Variants in LMNTD1 observed in about 807,000 individuals in gnomAD.
LMNTD1 encodes the protein lamin tail domain containing 1.
In LMNTD1, 35 loss-of-function variants were observed where a neutral mutation model predicts 50.9. The ratio of observed to expected loss-of-function variants is 0.69; its 90% CI spans 0.53 to 0.91. The LOEUF is 0.91. Among genes scored for constraint, LMNTD1 ranks in the 40% least tolerant of loss-of-function variants. The pLI is 0.00. For missense variants in LMNTD1, 470 were observed against 475.5 expected (o/e 0.99, Z 0.11); for synonymous variants, 153 against 161.9 (o/e 0.94, Z 0.42).
chr12:25,546,619 C>A, intron 3 of LMNTD1, 65 bp from the exon 4 acceptor site: 2 of 992,896 alleles, frequency 2.0e-6, no homozygotes, highest in Non-Finnish European at 2.8e-6. Context: ...TTAAAAGGAC[C>A]TAAAGCCATT....
chr12:25,489,598 C>T (rs1420757124), intron 9 of LMNTD1, among the ~76,000 whole-genome samples: 1 of 150,724 alleles, frequency 6.6e-6, no homozygotes, highest in African/African-American at 2.5e-5. Context: ...CTGCGTCGCT[C>T]ACGCTGGGAG....
chr12:25,537,752 G>C (rs1035044705), intron 4 of LMNTD1, among the ~76,000 whole-genome samples: 6 of 152,212 alleles, frequency 3.9e-5, no homozygotes, highest in Non-Finnish European at 8.8e-5. Flanking sequence ...AGAGAAGAAG[G>C]CTTCAGATGA....
chr12:25,553,402 G>A, upstream of LMNTD1: 1 of 408,942 alleles, frequency 2.4e-6, no homozygotes. Flanking sequence ...GCAGTTTGCA[G>A]ACATTAAATA....
chr12:25,499,143 C>A (rs143755486), intron 9 of LMNTD1, among the ~76,000 whole-genome samples: 4 of 152,310 alleles, frequency 2.6e-5, no homozygotes, highest in African/African-American at 9.6e-5. Context: ...ATGATCCTAG[C>A]TCACTGCAGA....
At chr12:25,529,100 T>C (rs1942032130) in intron 4 of LMNTD1, among the ~76,000 whole-genome samples, 1 of 152,172 alleles carries the variant, frequency 6.6e-6, no homozygotes, top group African/African-American at 2.4e-5. Flanking sequence ...TCCTCAGTAT[T>C]GGCCTCTTTT....
intron 1 of LMNTD1, among the ~76,000 whole-genome samples, chr12:25,575,859 C>T (rs1270756256): frequency 6.6e-6 from 1 of 152,104 alleles, no homozygotes; most frequent in South Asian, 2.1e-4. Flanking sequence ...CCATGACAGG[C>T]CCCAGTGTGT....
At chr12:25,589,936 C>A (rs374831912) in intron 1 of LMNTD1, among the ~76,000 whole-genome samples, 1 of 152,028 alleles carries the variant, frequency 6.6e-6, no homozygotes, top group East Asian at 1.9e-4. Flanking sequence ...TTACTAGGTA[C>A]AGGGAGTTGG....
chr12:25,539,987 A>C (rs1171146132), intron 4 of LMNTD1, among the ~76,000 whole-genome samples: 278 of 149,018 alleles, frequency 1.9e-3, no homozygotes, highest in African/African-American at 6.7e-3. Context: ...GAAATGGATA[A>C]ATTCCTTGAC....
At chr12:25,573,612 C>T (rs1944885662) in intron 1 of LMNTD1, among the ~76,000 whole-genome samples, 1 of 152,022 alleles carries the variant, frequency 6.6e-6, no homozygotes, top group Admixed American at 6.6e-5. Flanking sequence ...TGCCCAGGTC[C>T]GTGATGCCTA....
rs76122503 is a variant in LMNTD1, at chr12:25,526,810, A to G, written c.637T>C (p.Phe213Leu). The change falls in exon 5 of 10, where the codon TTC (phenylalanine) becomes CTC (leucine). Residue 213 changes from phenylalanine (F) to leucine (L), a missense_variant. Transcript: ENST00000458174. Reference protein sequence around the residue: ...VNGQTISLYRFLPNIVMQANS... With the variant: ...VNGQTISLYRLLPNIVMQANS... ...GCCTGCATTACGATGTTTGGAAGGA[A>G]TCGGTACAAAGAAATGGTTTGTCCA... 367 of 1,612,384 alleles carry G rather than the reference A, an allele frequency of 2.3e-4. 1 individual carries two copies. In the African/African-American group the frequency reaches 4.3e-3, roughly 19 times the overall value.
In LMNTD1 at chr12:25,526,792, T is replaced by C. The variant is rs1235429185; in HGVS notation, c.655A>G (p.Met219Val). The C allele has an allele frequency of 1.2e-6, 2 of 1,610,442 alleles. No individual in the cohort carries two copies. The highest frequency in any genetic ancestry group is 2.2e-5 in the East Asian group (1 of 44,838). Reference protein sequence around the residue: ...SLYRFLPNIVMQANSTVTVWA... With the variant: ...SLYRFLPNIVVQANSTVTVWA... ...ACTGTTACTGTGGAATTTGCCTGCA[T>C]TACGATGTTTGGAAGGAATCGGTAC... is the stretch of plus-strand genomic sequence containing the variant. Residue 219 changes from methionine to valine, a missense_variant, in exon 5 of 10, where the codon ATG becomes GTG. Coordinates refer to ENST00000458174, the MANE Select transcript of LMNTD1 (RefSeq NM_001145728.2).
chr12:25,614,886 A>G (rs1316515651), intron 1 of LMNTD1, among the ~76,000 whole-genome samples: 4 of 152,212 alleles, frequency 2.6e-5, no homozygotes, highest in Non-Finnish European at 4.4e-5. Context: ...AAAGATGGCC[A>G]TCTTCTCCCT....
intron 1 of LMNTD1, among the ~76,000 whole-genome samples, chr12:25,578,620 C>T: frequency 6.6e-6 from 1 of 152,164 alleles, no homozygotes; most frequent in Non-Finnish European, 1.5e-5. Flanking sequence ...AGTGCAGATT[C>T]AGACTATGAA....
At chr12:25,569,856 G>A (rs1340120386) in intron 1 of LMNTD1, among the ~76,000 whole-genome samples, 2 of 152,136 alleles carry the variant, frequency 1.3e-5, no homozygotes, top group African/African-American at 4.8e-5. Flanking sequence ...TGCTTTCTGT[G>A]CAGCCTGCAA....
At chr12:25,619,572 A>G (rs1008233111) in intron 1 of LMNTD1, among the ~76,000 whole-genome samples, 2 of 152,130 alleles carry the variant, frequency 1.3e-5, no homozygotes, top group Non-Finnish European at 2.9e-5. Flanking sequence ...GAGTTTTCCC[A>G]TCTTCAGATG....
intron 1 of LMNTD1, among the ~76,000 whole-genome samples, chr12:25,568,600 A>G (rs1282907863): frequency 2.0e-5 from 3 of 152,188 alleles, no homozygotes; most frequent in Non-Finnish European, 4.4e-5. Context: ...AGGCCCAGAG[A>G]TCTAGAGTAA....
intron 1 of LMNTD1, among the ~76,000 whole-genome samples, chr12:25,603,633 G>A (rs1423189512): frequency 2.6e-5 from 4 of 151,956 alleles, no homozygotes; most frequent in African/African-American, 4.8e-5. Context: ...TATTATACTA[G>A]GTCTTATAGG....
At chr12:25,489,055 T>C (rs1938776546) in intron 9 of LMNTD1, among the ~76,000 whole-genome samples, 1 of 152,116 alleles carries the variant, frequency 6.6e-6, no homozygotes, top group South Asian at 2.1e-4. Context: ...GACATTTAAG[T>C]CTGCAGAGGT....
chr12:25,519,949 A>G lies in LMNTD1; in HGVS notation c.925T>C (p.Ser309Pro), dbSNP rs753871093. The part of the protein sequence containing the change: ...FRKRVFQWTA[S>P]TATITKEKQD... ...TTTTCTTTAGTTATTGTAGCTGTAG[A>G]TGCTGTCCACTGAAACACACGCTTT... The change falls in exon 7 of 10, where the codon TCT becomes CCT. Residue 309 changes from serine to proline, a missense_variant. Ser to Pro is a moderately conservative substitution (Grantham distance 74, BLOSUM62 -1). Transcript: ENST00000458174. The G allele has an allele frequency of 6.2e-7, 1 of 1,613,302 alleles. No individual in the cohort carries two copies. Among genetic ancestry groups the G allele is most frequent in the Non-Finnish European group, 8.5e-7 (1 of 1,179,580 alleles).
Sources: allele counts gnomAD v4.1 joint callset (sites outside exome capture counted in the v4.1 genomes callset), GRCh38; gene constraint gnomAD v4.1.1; transcripts MANE v1.5; gene names NCBI Gene and HGNC (gene_info 2026-07-23, HGNC 2026-07-21).